The following CSMD1 variants were observed in gnomAD, a reference collection of about 807,000 sequenced individuals.
CSMD1 encodes CUB and sushi domain-containing protein 1.
Under a neutral mutation model 417.5 loss-of-function variants are expected in CSMD1, and 213 were observed. The ratio of observed to expected loss-of-function variants is 0.51; its 90% confidence interval spans 0.46 to 0.57. The LOEUF is 0.57. Ranked by LOEUF, CSMD1 falls within the 20% of genes least tolerant of loss-of-function variation. The pLI is 0.00. For missense variants in CSMD1, 6,923 were observed against 4,529.7 expected (o/e 1.53, Z -15.17); for synonymous variants, 2,862 against 1,736.8 (o/e 1.65, Z -16.11).
At chr8:4,061,782 T>TAGGTA in intron 3 of CSMD1, among the ~76,000 whole-genome samples, 1 of 152,194 alleles carries the variant, frequency 6.6e-6, no homozygotes, top group Non-Finnish European at 1.5e-5. Flanking sequence ...AAAAAGGAGT[T>TAGGTA]CTCCATTTGC....
chr8:3,968,176 G>C (rs1812818792), intron 5 of CSMD1, among the ~76,000 whole-genome samples: 1 of 137,738 alleles, frequency 7.3e-6, no homozygotes, highest in Admixed American at 7.5e-5. Flanking sequence ...GACAGAGCGA[G>C]ACTCCGTCTC....
At chr8:4,760,795 A>G (rs1040160604) in intron 1 of CSMD1, among the ~76,000 whole-genome samples, 2 of 152,214 alleles carry the variant, frequency 1.3e-5, no homozygotes, top group Non-Finnish European at 2.9e-5. Flanking sequence ...GTCAAAAACA[A>G]AAACACGCAA....
At chr8:4,637,056 C>T (rs1189677406) in intron 2 of CSMD1, among the ~76,000 whole-genome samples, 1 of 152,094 alleles carries the variant, frequency 6.6e-6, no homozygotes, top group African/African-American at 2.4e-5. Context: ...CAAATAAGGG[C>T]ACAAAAGCAG....
Position 3,096,996 on chromosome 8 carries a change from C to T in CSMD1, c.6991G>A (p.Val2331Ile). The T allele has an allele frequency of 4.5e-6, 7 of 1,555,804 alleles. No homozygotes were observed. Among genetic ancestry groups the T allele is most frequent in the Non-Finnish European group, 5.2e-6 (6 of 1,148,926 alleles). The change falls in exon 47 of 70, where the codon GTC becomes ATC. Residue 2331 changes from valine to isoleucine, a missense_variant. Coordinates refer to ENST00000635120, the MANE Select transcript of CSMD1 (RefSeq NM_033225.6). ...CCCGGATACCCTGGACTGAGAATGA[C>T]TCCCGATGATCCAGTCCGGACTTCA... is the stretch of plus-strand genomic sequence containing the variant. ...ANEVRTGSSGVILSPGYPGNY... is the reference protein window; with the variant it reads ...ANEVRTGSSGIILSPGYPGNY...
intron 26 of CSMD1, among the ~76,000 whole-genome samples, chr8:3,280,731 T>C (rs1189784677): frequency 1.3e-5 from 2 of 150,594 alleles, no homozygotes; most frequent in Non-Finnish European, 3.0e-5. Flanking sequence ...AAATAGTAAT[T>C]GTCATTTCTG....
chr8:4,099,858 C>G (rs777556733), intron 3 of CSMD1, among the ~76,000 whole-genome samples: 1 of 152,024 alleles, frequency 6.6e-6, no homozygotes, highest in South Asian at 2.1e-4. Context: ...CCTTCTTTTC[C>G]GTTTATTTAA....
intron 7 of CSMD1, among the ~76,000 whole-genome samples, chr8:3,668,534 C>A (rs1033751646): frequency 6.6e-6 from 1 of 152,118 alleles, no homozygotes; most frequent in Non-Finnish European, 1.5e-5. Context: ...CACCTTGGTC[C>A]TATTCCTTAC....
intron 26 of CSMD1, among the ~76,000 whole-genome samples, chr8:3,279,690 G>A (rs577722281): frequency 1.3e-5 from 2 of 152,140 alleles, no homozygotes; most frequent in African/African-American, 4.8e-5. Flanking sequence ...CAGCATGGCT[G>A]GGGAGGCCTC....
Position 3,277,941 on chromosome 8 carries a change from G to C in CSMD1, c.4153+6203C>G, listed in dbSNP as rs553924684. On this transcript the variant is annotated intron_variant, in intron 26 of 69. Coordinates refer to ENST00000635120, the MANE Select transcript of CSMD1 (RefSeq NM_033225.6). ...CAAATTGGTACACATGAAAAGCTGA[G>C]TAAAAGAAAAGTAAGCAAGCGTCAT... Among the ~76,000 whole-genome samples, 8 of 152,306 alleles carry C rather than the reference G, an allele frequency of 5.3e-5. No homozygotes were observed. The East Asian group carries it at 1.5e-3, about 29-fold the overall frequency.
At chr8:4,793,513 T>C (rs1797805160) in intron 1 of CSMD1, among the ~76,000 whole-genome samples, 1 of 152,024 alleles carries the variant, frequency 6.6e-6, no homozygotes, top group East Asian at 1.9e-4. Flanking sequence ...CCCAGACACC[T>C]ACACCAGGGC....
At chr8:3,405,496 C>A (rs78674171) in intron 15 of CSMD1, among the ~76,000 whole-genome samples, 2,663 of 152,310 alleles carry the variant, frequency 0.017, 78 homozygotes, top group African/African-American at 0.061. Context: ...AGGTTGAATT[C>A]TGTCCCCCCA....
intron 3 of CSMD1, among the ~76,000 whole-genome samples, chr8:4,144,029 C>T (rs1011535076): frequency 2.6e-5 from 4 of 151,372 alleles, no homozygotes; most frequent in Non-Finnish European, 4.4e-5. Flanking sequence ...ATAGAGAAAG[C>T]AGCCTTTGAT....
Position 3,904,563 on chromosome 8 carries a change from T to C in CSMD1, c.818+93340A>G, listed in dbSNP as rs149313913. On this transcript the variant is annotated intron_variant, in intron 5 of 69. Coordinates refer to ENST00000635120, the MANE Select transcript of CSMD1 (RefSeq NM_033225.6). ...AAGCTGTTGTATGTGAAACACACTT[T>C]GGAGAGTTGGGAATTAAATTATCTC... Among the ~76,000 whole-genome samples the C allele has an allele frequency of 1.5e-3, 224 of 152,278 alleles. 1 individual carries two copies. Among genetic ancestry groups the C allele is most frequent in the Admixed American group, 2.3e-3 (35 of 15,292 alleles).
At chr8:4,572,361 C>G (rs1258356005) in intron 2 of CSMD1, among the ~76,000 whole-genome samples, 1 of 152,168 alleles carries the variant, frequency 6.6e-6, no homozygotes, top group Non-Finnish European at 1.5e-5. Context: ...GATTTTATTT[C>G]TCCTTCGCTT....
At chr8:4,399,998 G>C (rs1257097080) in intron 3 of CSMD1, among the ~76,000 whole-genome samples, 4 of 152,096 alleles carry the variant, frequency 2.6e-5, no homozygotes, top group African/African-American at 9.7e-5. Context: ...TTCTTTCCAA[G>C]TGAATTCCCA....
chr8:4,432,305 G>A (rs191250201), intron 2 of CSMD1, among the ~76,000 whole-genome samples: 1 of 152,132 alleles, frequency 6.6e-6, no homozygotes, highest in Non-Finnish European at 1.5e-5. Flanking sequence ...AGAGCCCAGA[G>A]ACTAGGCAGC....
intron 5 of CSMD1, among the ~76,000 whole-genome samples, chr8:3,931,009 C>T (rs1488165104): frequency 6.6e-6 from 1 of 150,386 alleles, no homozygotes; most frequent in Non-Finnish European, 1.5e-5. Context: ...TGTTAACTAG[C>T]CATAGTGCTA....
At chr8:4,885,520 T>G (rs1803681030) in intron 1 of CSMD1, among the ~76,000 whole-genome samples, 1 of 152,082 alleles carries the variant, frequency 6.6e-6, no homozygotes. Flanking sequence ...AATTCTTGTT[T>G]GTTGATTTTA....
intron 23 of CSMD1, 113 bp from the exon 24 acceptor site, chr8:3,308,616 A>G: frequency 1.3e-6 from 1 of 758,332 alleles, no homozygotes; most frequent in Non-Finnish European, 2.1e-6. Context: ...GGGAGAAAAA[A>G]GGAGATTGTG....
Sources: gnomAD v4.1 joint callset for allele counts (sites outside exome capture counted in the v4.1 genomes callset) on GRCh38, gnomAD v4.1.1 for gene constraint, MANE v1.5 for transcripts, NCBI Gene and HGNC (gene_info 2026-07-23, HGNC 2026-07-21) for gene names.